The following GLYR1 variants were observed in gnomAD, a reference collection of about 807,000 sequenced individuals.
GLYR1 encodes the protein glyoxylate reductase 1 homolog.
Under a neutral mutation model 72.7 loss-of-function variants are expected in GLYR1, and 21 were observed. The ratio of observed to expected loss-of-function variants is 0.29; its 90% CI spans 0.20 to 0.42. The LOEUF is 0.42. GLYR1 is among the 10% of genes least tolerant of loss of function. The pLI is 1.00. For missense variants in GLYR1, 594 were observed against 712.1 expected, an observed-to-expected ratio of 0.83 and a Z score of 1.89; for synonymous variants, 392 against 270.2, an observed-to-expected ratio of 1.45 and a Z score of -4.42.
chr16:4,808,687 T>A (rs963090383), intron 15 of GLYR1, among the ~76,000 whole-genome samples: 1 of 152,138 alleles, frequency 6.6e-6, no homozygotes, highest in Non-Finnish European at 1.5e-5. Flanking sequence ...TTTCACAAAG[T>A]GTCATTTTTA....
At chr16:4,836,944 C>T (rs777178764) in intron 3 of GLYR1, among the ~76,000 whole-genome samples, 17 of 152,308 alleles carry the variant, frequency 1.1e-4, no homozygotes, top group Non-Finnish European at 1.9e-4. Flanking sequence ...GTTGCTGCTG[C>T]CTGGCTGCTG....
chr16:4,831,993 G>A lies in GLYR1; in HGVS notation c.523C>T (p.Pro175Ser). The A allele has an allele frequency of 6.2e-7, 1 of 1,613,586 alleles. No individual in the cohort carries two copies. Among genetic ancestry groups the A allele is most frequent in the South Asian group, 1.1e-5 (1 of 91,026 alleles). Residue 175 changes from proline (P) to serine (S), a missense_variant, in exon 5 of 16, where the codon CCA (proline) becomes TCA (serine). Around this residue, in one of 5 missense-constraint regions of GLYR1, gnomAD observed 252 missense variants for 211.3 expected, o/e 1.19. Transcript: ENST00000321919. The part of the protein sequence containing the change: ...EQSPRKRGRP[P>S]KDEKDLTIPE... Reference sequence around the variant, plus strand: ...AGAAAACAAACCTTCTCATCCTTTGGGGGCCGACCCCGCTTCCGGGGACTT... The same window carrying A: ...AGAAAACAAACCTTCTCATCCTTTGAGGGCCGACCCCGCTTCCGGGGACTT...
In GLYR1 at chr16:4,814,062, T is replaced by C. The variant is rs115332202; in HGVS notation, c.1018-224A>G. On this transcript the variant is annotated intron_variant, in intron 11 of 15. Coordinates refer to ENST00000321919, the MANE Select transcript of GLYR1 (RefSeq NM_032569.4). ...ATGTGAGTGTGTGCATTTCTTTTTA[T>C]TTAAAAAAAAAAAAAAACAAACCCC... 7.6e-3 allele frequency: 3,054 copies of C among 399,980 alleles called. 91 individuals carry two copies. The highest frequency in any genetic ancestry group is 0.061 in the African/African-American group (2,787 of 45,426). The allele number at this position is 399,980 out of a possible 1,614,324, so 24.8% of individuals were successfully genotyped here. A position where few individuals can be genotyped will look rare whatever the true frequency, so the allele number is the denominator to read the frequency against.
chr16:4,841,314 C>G (rs1567813345), intron 3 of GLYR1, among the ~76,000 whole-genome samples: 1 of 151,756 alleles, frequency 6.6e-6, no homozygotes, highest in Non-Finnish European at 1.5e-5. Context: ...TTAATCTAGT[C>G]TTTTAGCATT....
intron 3 of GLYR1, among the ~76,000 whole-genome samples, chr16:4,834,139 G>C (rs2084969937): frequency 6.6e-6 from 1 of 151,936 alleles, no homozygotes; most frequent in South Asian, 2.1e-4. Context: ...GTGATAATGG[G>C]GTCTGTGCAA....
chr16:4,840,640 T>G (rs541481540), intron 3 of GLYR1, among the ~76,000 whole-genome samples: 1 of 152,150 alleles, frequency 6.6e-6, no homozygotes, highest in Non-Finnish European at 1.5e-5. Flanking sequence ...ACCTGCTGTA[T>G]GGCAAGCCAC....
At chr16:4,820,317 T>G (rs2083929632) in intron 9 of GLYR1, among the ~76,000 whole-genome samples, 1 of 152,022 alleles carries the variant, frequency 6.6e-6, no homozygotes, top group Non-Finnish European at 1.5e-5. Flanking sequence ...ATATGGCAAC[T>G]GAGAGTCCTT....
At position 4,821,570 on chromosome 16, in the gene GLYR1, T is replaced by A; in HGVS notation, c.709A>T (p.Lys237Ter). 3.1e-6 allele frequency: 5 copies of A among 1,614,080 alleles called. No individual in the cohort carries two copies. The highest frequency in any genetic ancestry group is 3.4e-6 in the Non-Finnish European group (4 of 1,180,034). ...ACCTCTTCACATATTTTCAACTTCT[T>A]CGTGATTGCCTGGTAACAGACAGCT... ...KPAVCYQAIT[K>*]KLKICEEETG... The change falls in exon 8 of 16, where the codon AAG (lysine) becomes TAG (stop). Residue 237 changes from lysine to a stop codon, truncating the protein, a stop_gained. Transcript: ENST00000321919. LOFTEE classifies it high-confidence loss of function.
intron 2 of GLYR1, among the ~76,000 whole-genome samples, chr16:4,845,653 G>A (rs1262071742): frequency 6.6e-6 from 1 of 152,114 alleles, no homozygotes; most frequent in Admixed American, 6.6e-5. Context: ...ACCATCTAAA[G>A]ACACCTCCCG....
Position 4,812,110 on chromosome 16 carries a change from T to A in GLYR1, c.1258A>T (p.Met420Leu). The A allele has an allele frequency of 1.2e-6, 2 of 1,613,942 alleles. No homozygotes were observed. Among genetic ancestry groups the A allele is most frequent in the Non-Finnish European group, 8.5e-7 (1 of 1,179,940 alleles). ...CCTAGGAAGAAGGAGGTCTTCCCCA[T>A]CGCCTGGAAGCAGCTGCTGCAGTCC... ...YEDCSSCFQA[M>L]GKTSFFLGEV... Residue 420 changes from methionine (M) to leucine (L), a missense_variant, in exon 13 of 16, where the codon ATG (methionine) becomes TTG (leucine). Physicochemically the swap from Met to Leu is conservative, Grantham distance 15. This residue lies in a region of GLYR1 where 266 missense variants were observed against 358.4 expected (regional missense o/e 0.74). Transcript: ENST00000321919.
intron 5 of GLYR1, among the ~76,000 whole-genome samples, chr16:4,824,599 C>T (rs985087160): frequency 6.6e-6 from 1 of 151,964 alleles, no homozygotes; most frequent in Non-Finnish European, 1.5e-5. Context: ...CTGATGAGAT[C>T]TGCCCACATT....
intron 1 of GLYR1, among the ~76,000 whole-genome samples, chr16:4,846,476 G>A (rs924013280): frequency 2.0e-5 from 3 of 152,218 alleles, no homozygotes; most frequent in East Asian, 1.9e-4. Context: ...TCTTAATGAC[G>A]GGGGTGGGAG....
In GLYR1 at chr16:4,847,275, C is replaced by T. The variant is rs751683674; in HGVS notation, c.-10G>A. On this transcript the variant is annotated 5_prime_UTR_variant, in exon 1 of 16. Coordinates refer to ENST00000321919, the MANE Select transcript of GLYR1 (RefSeq NM_032569.4). Reference sequence around the variant, plus strand: ...GACTCACAGCCGCCATCTTACCACCCAACCACCGCCGACGCACGGGCCGCC... The same window carrying T: ...GACTCACAGCCGCCATCTTACCACCTAACCACCGCCGACGCACGGGCCGCC... 1 of 1,610,072 alleles carries T rather than the reference C, an allele frequency of 6.2e-7. No individual in the cohort carries two copies. The highest frequency in any genetic ancestry group is 1.3e-5 in the African/African-American group (1 of 74,636).
intron 15 of GLYR1, among the ~76,000 whole-genome samples, chr16:4,807,630 A>G (rs1443755981): frequency 2.0e-5 from 3 of 152,206 alleles, no homozygotes; most frequent in Non-Finnish European, 2.9e-5. Flanking sequence ...GAAAGCAGCG[A>G]GCTGCATTGA....
chr16:4,823,919 G>C lies in GLYR1; in HGVS notation c.538-12C>G, dbSNP rs772203386. ...GGGATGGTGAGATCCTATAGAGGGA[G>C]GGGCAGGGCATTTTAAAATCACATT... is the stretch of plus-strand genomic sequence containing the variant. On this transcript the variant is annotated splice_polypyrimidine_tract_variant and intron_variant, in intron 5 of 15. Transcript: ENST00000321919. The C allele has an allele frequency of 6.2e-7, 1 of 1,606,670 alleles. No individual in the cohort carries two copies. The highest frequency in any genetic ancestry group is 1.7e-5 in the Admixed American group (1 of 59,920).
intron 3 of GLYR1, among the ~76,000 whole-genome samples, chr16:4,836,278 A>G (rs1295274959): frequency 2.0e-5 from 3 of 152,202 alleles, no homozygotes; most frequent in Non-Finnish European, 4.4e-5. Flanking sequence ...CAGTGAGTTA[A>G]AAGGTGCTAC....
At chr16:4,834,923 G>A (rs2085037125) in intron 3 of GLYR1, among the ~76,000 whole-genome samples, 1 of 152,092 alleles carries the variant, frequency 6.6e-6, no homozygotes, top group South Asian at 2.1e-4. Context: ...GGATGCTAAT[G>A]ACAGGCCAGA....
At chr16:4,844,440 T>C (rs976098259) in intron 3 of GLYR1, among the ~76,000 whole-genome samples, 2 of 152,240 alleles carry the variant, frequency 1.3e-5, no homozygotes, top group Non-Finnish European at 2.9e-5. Flanking sequence ...ACCATAATGA[T>C]ATATGGCATT....
chr16:4,810,817 C>CTGAATG (rs1455100954), intron 15 of GLYR1, among the ~76,000 whole-genome samples: 1 of 142,426 alleles, frequency 7.0e-6, no homozygotes, highest in Admixed American at 7.1e-5. Context: ...GAAAAAGAAA[C>CTGAATG]TGAATGGCTG....
Sources: allele counts gnomAD v4.1 joint callset (sites outside exome capture counted in the v4.1 genomes callset), GRCh38; gene constraint gnomAD v4.1.1; regional missense constraint gnomAD v4.1.1; transcripts MANE v1.5; gene names NCBI Gene and HGNC (gene_info 2026-07-23, HGNC 2026-07-21).